The following RARA variants were observed in gnomAD, a reference collection of about 807,000 sequenced individuals.
The protein encoded by RARA is PML-DDX5-RARA fusion.
RARA carries 5 observed loss-of-function variants against 42.8 expected under a neutral mutation model. The ratio of observed to expected loss-of-function variants is 0.12; its 90% CI spans 0.06 to 0.25. RARA has a LOEUF of 0.25. RARA is among the 10% of genes least tolerant of loss of function. RARA has a pLI of 1.00. For missense variants in RARA, 402 were observed against 628.7 expected, an observed-to-expected ratio of 0.64 and a Z score of 3.86; for synonymous variants, 256 against 259.5, an observed-to-expected ratio of 0.99 and a Z score of 0.13.
chr17:40,351,980 G>A lies in RARA; in HGVS notation c.540G>A (p.Leu180=), dbSNP rs765287704. The A allele has an allele frequency of 6.2e-7, 1 of 1,606,684 alleles. No homozygotes were observed. The highest frequency in any genetic ancestry group is 1.1e-5 in the South Asian group (1 of 90,394). ...PKPECSESYT[L]TPEVGELIEK... is the part of the protein sequence containing the mutation. ...CCGAGTGCTCTGAGAGCTACACGCT[G>A]ACGCCGGAGGTGGGGGAGCTCATTG... Residue 180 remains leucine (L), a synonymous_variant, in exon 5 of 9, where the codon CTG becomes CTA. Coordinates refer to ENST00000254066, the MANE Select transcript of RARA (RefSeq NM_000964.4). This position sits in a 1 kb window ranked among gnomAD's most constrained non-coding sequence, Gnocchi z 4.1.
Position 40,348,360 on chromosome 17 carries a change from C to G in RARA, c.223C>G (p.Pro75Ala). The change falls in exon 3 of 9, where the codon CCT becomes GCT. Residue 75 changes from proline (P) to alanine (A), a missense_variant. This residue lies in a region of RARA where 91 missense variants were observed against 105.2 expected (regional missense o/e 0.87). Transcript: ENST00000254066. The stretch of plus-strand genomic sequence containing the variant: ...CAGTTCTGAAGAGATAGTGCCCAGC[C>G]CTCCCTCGCCACCCCCTCTACCCCG... ...SSSSEEIVPS[P>A]PSPPPLPRIY... 6.2e-7 allele frequency: 1 copy of G among 1,612,366 alleles called. No individual in the cohort carries two copies.
chr17:40,322,817 G>C (rs1279159736), intron 1 of RARA, among the ~76,000 whole-genome samples: 1 of 152,042 alleles, frequency 6.6e-6, no homozygotes, highest in East Asian at 1.9e-4. Flanking sequence ...GGAGGGGTTG[G>C]CCCCCTTCCT....
Position 40,352,602 on chromosome 17 carries a change from A to C in RARA, c.807+95A>C. The C allele has an allele frequency of 1.6e-6, 2 of 1,213,912 alleles. No individual in the cohort carries two copies. The allele number at this position is 1,213,912 out of a possible 1,614,324, so 75.2% of individuals were successfully genotyped here. A position where few individuals can be genotyped will look rare whatever the true frequency, so the allele number is the denominator to read the frequency against. On this transcript the variant is annotated intron_variant, in intron 6 of 8. Transcript: ENST00000254066. The surrounding 1 kb of genome is among the most constrained non-coding windows in gnomAD (Gnocchi z 4.9). Reference sequence around the variant, plus strand: ...GCCACCCTCCTAAATGTCTGTCTGCAATCAACCTGTCCAAATGCCCACCGC... The same window carrying C: ...GCCACCCTCCTAAATGTCTGTCTGCCATCAACCTGTCCAAATGCCCACCGC...
chr17:40,334,600 G>A (rs2033791038), intron 2 of RARA, among the ~76,000 whole-genome samples: 1 of 152,210 alleles, frequency 6.6e-6, no homozygotes, highest in African/African-American at 2.4e-5. Context: ...CTGCTTGCCT[G>A]GCCTTAGGGC....
chr17:40,339,579 G>A (rs2033964701), intron 2 of RARA, among the ~76,000 whole-genome samples: 1 of 152,092 alleles, frequency 6.6e-6, no homozygotes, highest in Admixed American at 6.6e-5. Context: ...TCCAGCTCCG[G>A]AAATCCTATC....
chr17:40,332,411 C>T (rs898581370), intron 2 of RARA, among the ~76,000 whole-genome samples: 1 of 152,200 alleles, frequency 6.6e-6, no homozygotes, highest in Non-Finnish European at 1.5e-5. Flanking sequence ...GTGCACCCAC[C>T]ACCCCTCTCA....
In RARA at chr17:40,320,274, G is replaced by A. The variant is rs369799643; in HGVS notation, c.-362-10583G>A. ...CCTTCAGTCTGACCCTAAATGCACC[G>A]GCTGCCACCCTGGGACACCTTTTTA... On this transcript the variant is annotated intron_variant, in intron 1 of 8. Coordinates refer to ENST00000254066, the MANE Select transcript of RARA (RefSeq NM_000964.4). The surrounding 1 kb of genome is among the most constrained non-coding windows in gnomAD (Gnocchi z 4.1). 1.0e-3 allele frequency among the ~76,000 whole-genome samples: 154 copies of A among 152,114 alleles called. No individual in the cohort carries two copies. The highest frequency in any genetic ancestry group is 3.4e-3 in the African/African-American group (142 of 41,474).
rs940882740 is a variant in RARA at position 40,357,130 on chromosome 17, G to A, written c.*904G>A. The A allele has an allele frequency of 1.5e-5, 4 of 259,488 alleles. No individual in the cohort carries two copies. Among genetic ancestry groups the A allele is most frequent in the Non-Finnish European group, 3.0e-5 (4 of 133,284 alleles). 16.1% of individuals were successfully genotyped at this position (259,488 alleles called of 1,614,324 possible). ...CTTGCCTGCACCCACCATGAGGCAT[G>A]GAGCAGGGCAGAGCAAGGGCCCCGG... On this transcript the variant is annotated 3_prime_UTR_variant, in exon 9 of 9. Transcript: ENST00000254066.
rs912562575 is a variant in RARA, at chr17:40,357,527, C to T, written c.*1301C>T. On this transcript the variant is annotated 3_prime_UTR_variant, in exon 9 of 9. Coordinates refer to ENST00000254066, the MANE Select transcript of RARA (RefSeq NM_000964.4). ...CCCCAGCTGGGGGAGCTGGCTCTGC[C>T]CCGACCTCCTTCACCAGGGGTTGGG... 1 of 232,712 alleles carries T rather than the reference C, an allele frequency of 4.3e-6. No homozygotes were observed. The highest frequency in any genetic ancestry group is 8.5e-6 in the Non-Finnish European group (1 of 117,736). 14.4% of individuals were successfully genotyped at this position (232,712 alleles called of 1,614,324 possible). A position where few individuals can be genotyped will look rare whatever the true frequency, so the allele number is the denominator to read the frequency against.
At chr17:40,321,689 C>G (rs908959044) in intron 1 of RARA, among the ~76,000 whole-genome samples, 8 of 152,234 alleles carry the variant, frequency 5.3e-5, no homozygotes, top group African/African-American at 1.7e-4. Context: ...CACTGTCAGC[C>G]TGGGGAGCCG....
intron 2 of RARA, among the ~76,000 whole-genome samples, chr17:40,337,367 G>A (rs886612530): frequency 6.6e-6 from 1 of 152,210 alleles, no homozygotes; most frequent in Non-Finnish European, 1.5e-5. Context: ...TCCCCGGTAG[G>A]GGGTGTAGGG....
chr17:40,323,399 G>A (rs1234866859), intron 1 of RARA: 4 of 152,438 alleles, frequency 2.6e-5, no homozygotes, highest in African/African-American at 4.8e-5. Flanking sequence ...CCTGTGTTCT[G>A]ATGGAAACCA....
chr17:40,324,553 C>T (rs1158986617), intron 1 of RARA, among the ~76,000 whole-genome samples: 1 of 152,164 alleles, frequency 6.6e-6, no homozygotes, highest in East Asian at 1.9e-4. Context: ...TGGACTGCCC[C>T]GAGCTTGGAT....
intron 1 of RARA, chr17:40,318,185 A>C (rs901609504): frequency 1.3e-5 from 2 of 152,024 alleles, no homozygotes; most frequent in African/African-American, 2.4e-5. Flanking sequence ...GTGGGCGGGC[A>C]GGGGCGGGCC....
rs2034486964 is a variant in RARA at position 40,352,456 on chromosome 17, C to T, written c.756C>T (p.Leu252=). ...FAKQLPGFTT[L]TIADQITLLK... ...AGCAGCTGCCCGGCTTCACCACCCT[C>T]ACCATCGCCGACCAGATCACCCTCC... Residue 252 remains leucine, a synonymous_variant, in exon 6 of 9, where the codon CTC becomes CTT. Transcript: ENST00000254066. This position sits in a 1 kb window ranked among gnomAD's most constrained non-coding sequence, Gnocchi z 4.9. 6.2e-7 allele frequency: 1 copy of T among 1,613,866 alleles called. No homozygotes were observed. The highest frequency in any genetic ancestry group is 8.5e-7 in the Non-Finnish European group (1 of 1,179,844).
chr17:40,336,562 G>GT (rs1366129088), intron 2 of RARA, among the ~76,000 whole-genome samples: 2 of 150,262 alleles, frequency 1.3e-5, no homozygotes, highest in Non-Finnish European at 3.0e-5. Context: ...CTAATTTTTT[G>GT]TATTTTTAGT....
At chr17:40,336,950 G>A (rs1465604094) in intron 2 of RARA, among the ~76,000 whole-genome samples, 3 of 152,166 alleles carry the variant, frequency 2.0e-5, no homozygotes, top group African/African-American at 4.8e-5. Flanking sequence ...CGCCCGCCTC[G>A]GCCTCCTAAA....
intron 2 of RARA, chr17:40,343,106 G>A (rs2034133093): frequency 3.0e-6 from 2 of 668,062 alleles, no homozygotes; most frequent in Non-Finnish European, 2.2e-6. Context: ...CTTCTTTCAA[G>A]CAACATTCCT....
chr17:40,310,890 C>G (rs1029120231), intron 1 of RARA, among the ~76,000 whole-genome samples: 1 of 152,104 alleles, frequency 6.6e-6, no homozygotes, highest in African/African-American at 2.4e-5. Flanking sequence ...ATCTCTCCGC[C>G]TTTAGTTTTC....
Sources: gnomAD v4.1 joint callset for allele counts (sites outside exome capture counted in the v4.1 genomes callset) on GRCh38, gnomAD v4.1.1 for gene constraint, gnomAD v4.1.1 regional missense constraint, Gnocchi (gnomAD v3.1) non-coding constraint, MANE v1.5 for transcripts, NCBI Gene and HGNC (gene_info 2026-07-23, HGNC 2026-07-21) for gene names.